MTERF3: variants seen among roughly 807,000 people sequenced by gnomAD.
MTERF3 encodes transcription termination factor 3, mitochondrial.
In MTERF3, 40 loss-of-function variants were observed where a neutral mutation model predicts 40.5. That is an observed-to-expected ratio of 0.99 (90% CI 0.77 to 1.29). The LOEUF is 1.29. Among genes scored for constraint, MTERF3 ranks in the 50% most tolerant of loss-of-function variants. MTERF3 has a pLI of 0.00. For missense variants in MTERF3, 452 were observed against 478.2 expected, an observed-to-expected ratio of 0.95 and a Z score of 0.51; for synonymous variants, 158 against 166.6, an observed-to-expected ratio of 0.95 and a Z score of 0.40.
rs75477527 is a variant in MTERF3 at position 96,257,096 on chromosome 8, G to T, written c.353C>A (p.Pro118Gln). Reference sequence around the variant, plus strand: ...TGAAATTGGCTGCATTGGAGACAATGGAGGCAATTCATCCAGTTCTTTGAA... The same window carrying T: ...TGAAATTGGCTGCATTGGAGACAATTGAGGCAATTCATCCAGTTCTTTGAA... Reference protein sequence around the residue: ...LFLEELDELPPLSPMQPISEE... With the variant: ...LFLEELDELPQLSPMQPISEE... The change falls in exon 3 of 8, where the codon CCA becomes CAA. Residue 118 changes from proline to glutamine, a missense_variant. Physicochemically the swap from Pro to Gln is moderately conservative, Grantham distance 76. Coordinates refer to ENST00000287025, the MANE Select transcript of MTERF3 (RefSeq NM_015942.5). 0.011 allele frequency: 16,972 copies of T among 1,611,974 alleles called. 102 individuals are homozygous for T. The highest frequency in any genetic ancestry group is 0.012 in the Non-Finnish European group (14,241 of 1,179,212).
intron 1 of MTERF3, among the ~76,000 whole-genome samples, chr8:96,260,453 G>A (rs1810362298): frequency 1.3e-5 from 2 of 151,596 alleles, no homozygotes; most frequent in Admixed American, 1.3e-4. Context: ...ATGATGTGGG[G>A]GGTGGGGGTG....
At chr8:96,259,296 T>A (rs1297513946) in intron 1 of MTERF3, among the ~76,000 whole-genome samples, 1 of 152,194 alleles carries the variant, frequency 6.6e-6, no homozygotes, top group Admixed American at 6.5e-5. Context: ...ACACTGTTGA[T>A]TACTTCACAG....
intron 3 of MTERF3, among the ~76,000 whole-genome samples, chr8:96,251,566 T>C (rs971728757): frequency 1.1e-4 from 16 of 152,218 alleles, no homozygotes; most frequent in African/African-American, 3.9e-4. Context: ...GGAATAAAAA[T>C]GACCCTGTGC....
chr8:96,255,929 A>G (rs1810271705), intron 3 of MTERF3, among the ~76,000 whole-genome samples: 1 of 152,208 alleles, frequency 6.6e-6, no homozygotes, highest in Non-Finnish European at 1.5e-5. Flanking sequence ...AAAAAACTCA[A>G]AAGTCTCCAA....
chr8:96,248,195 C>T lies in MTERF3; in HGVS notation c.678-1741G>A, dbSNP rs572023508. On this transcript the variant is annotated intron_variant, in intron 4 of 7. Transcript: ENST00000287025. ...TCTATTGAAGTTACAGATGAACACA[C>T]CCTTTGACCTAGCATTTCCACTTCT... Among the ~76,000 whole-genome samples, 4 of 152,300 alleles carry T rather than the reference C, an allele frequency of 2.6e-5. No homozygotes were observed. In the South Asian group the frequency reaches 8.3e-4, roughly 32 times the overall value.
chr8:96,256,307 CG>C (rs1810278232), intron 3 of MTERF3, among the ~76,000 whole-genome samples: 2 of 151,892 alleles, frequency 1.3e-5, no homozygotes, highest in African/African-American at 2.4e-5. Context: ...GGAAGGAGGT[CG>C]GGGTAGTGTG....
intron 4 of MTERF3, among the ~76,000 whole-genome samples, chr8:96,248,960 C>A (rs1400822660): frequency 6.6e-6 from 1 of 152,122 alleles, no homozygotes; most frequent in Non-Finnish European, 1.5e-5. Flanking sequence ...GCTGCATTAC[C>A]TATTAAAAAA....
At chr8:96,247,424 A>G (rs952606050) in intron 4 of MTERF3, among the ~76,000 whole-genome samples, 6 of 152,272 alleles carry the variant, frequency 3.9e-5, no homozygotes, top group Admixed American at 1.3e-4. Context: ...TAAAAAATCT[A>G]AAACATAGTA....
chr8:96,246,391 T>C lies in MTERF3; in HGVS notation c.741A>G (p.Ala247=). Residue 247 remains alanine, a synonymous_variant, in exon 5 of 8, where the codon GCA becomes GCG. Coordinates refer to ENST00000287025, the MANE Select transcript of MTERF3 (RefSeq NM_015942.5). The stretch of plus-strand genomic sequence containing the variant: ...CCACTGAAAAGTTCAGCAAAAATGG[T>C]GCTTTTCTGACCATCTGTGCAACAT... ...KADVAQMVRK[A]PFLLNFSVER... 6.2e-7 allele frequency: 1 copy of C among 1,612,966 alleles called. No individual in the cohort carries two copies. Among genetic ancestry groups the C allele is most frequent in the Non-Finnish European group, 8.5e-7 (1 of 1,179,712 alleles).
intron 4 of MTERF3, among the ~76,000 whole-genome samples, chr8:96,250,665 G>GA (rs1254421280): frequency 7.9e-5 from 3 of 37,740 alleles, no homozygotes; most frequent in Non-Finnish European, 1.6e-4. Flanking sequence ...AGAAGAAGAA[G>GA]AAGAAGAAGA....
chr8:96,258,721 C>A (rs111855567), intron 1 of MTERF3, 21 bp from the exon 2 acceptor site: 5 of 1,476,044 alleles, frequency 3.4e-6, no homozygotes, highest in South Asian at 2.7e-5. Flanking sequence ...AAGATATAAC[C>A]GTCAAAAGAA....
Position 96,250,929 on chromosome 8 carries a change from T to G in MTERF3, c.654A>C (p.Glu218Asp). The G allele has an allele frequency of 6.2e-7, 1 of 1,609,814 alleles. No individual in the cohort carries two copies. Among genetic ancestry groups the G allele is most frequent in the Non-Finnish European group, 8.5e-7 (1 of 1,179,028 alleles). The change falls in exon 4 of 8, where the codon GAA becomes GAC. Residue 218 changes from glutamate to aspartate, a missense_variant. By Grantham distance (45) the Glu-to-Asp change is conservative (BLOSUM62 2). Transcript: ENST00000287025. ...ACCTGGTCTTCAGATTTTCAAGGTC[T>G]TCAGAGAAAATTGCATGATTTTTTG... is the stretch of plus-strand genomic sequence containing the variant. ...FLTKNHAIFSEDLENLKTRVA... is the reference protein window; with the variant it reads ...FLTKNHAIFSDDLENLKTRVA...
intron 3 of MTERF3, among the ~76,000 whole-genome samples, chr8:96,254,029 C>G (rs1487464982): frequency 6.6e-6 from 1 of 151,932 alleles, no homozygotes; most frequent in Admixed American, 6.6e-5. Flanking sequence ...AAGACAGGGA[C>G]TGTGTCTTAG....
At chr8:96,246,495 C>G in intron 4 of MTERF3, 41 bp from the exon 5 acceptor site, 1 of 1,509,804 alleles carries the variant, frequency 6.6e-7, no homozygotes, top group East Asian at 2.4e-5. Flanking sequence ...TAAACACTTA[C>G]ATTCTTTTTT....
At position 96,250,679 on chromosome 8, in the gene MTERF3, A is replaced by AG. The variant is rs1563549072; in HGVS notation, c.677+226dup. On this transcript the variant is annotated intron_variant, in intron 4 of 7. Coordinates refer to ENST00000287025, the MANE Select transcript of MTERF3 (RefSeq NM_015942.5). The stretch of plus-strand genomic sequence containing the variant: ...AAGAAGAAGAAGAAGAAGAAGAAGA[A>AG]GAAGGAGGAGGAGGAGGGGGGGAGG... Among the ~76,000 whole-genome samples the AG allele has an allele frequency of 9.6e-4, 33 of 34,412 alleles. 2 individuals carry two copies. The highest frequency in any genetic ancestry group is 5.7e-3 in the East Asian group (11 of 1,942). 22.6% of individuals were successfully genotyped at this position (34,412 alleles called of 152,430 possible). A position where few individuals can be genotyped will look rare whatever the true frequency, so the allele number is the denominator to read the frequency against.
chr8:96,253,971 G>A (rs1810236162), intron 3 of MTERF3, among the ~76,000 whole-genome samples: 1 of 152,080 alleles, frequency 6.6e-6, no homozygotes, highest in Non-Finnish European at 1.5e-5. Flanking sequence ...CTGTGTCACT[G>A]CACTCCAGCC....
rs111807224 is a variant in MTERF3, at chr8:96,252,721, C to G, written c.488-1626G>C. Among the ~76,000 whole-genome samples, 558 of 152,198 alleles carry G rather than the reference C, an allele frequency of 3.7e-3. 6 individuals are homozygous for G. Among genetic ancestry groups the G allele is most frequent in the African/African-American group, 0.013 (533 of 41,530 alleles). ...CAAAAATCTGTGATAAATGGGGGAG[C>G]GGATGCTCTAAAAATAACATAAAGG... On this transcript the variant is annotated intron_variant, in intron 3 of 7. Transcript: ENST00000287025.
intron 6 of MTERF3, among the ~76,000 whole-genome samples, chr8:96,245,138 C>T (rs138251757): frequency 1.9e-3 from 295 of 152,084 alleles, no homozygotes; most frequent in African/African-American, 6.8e-3. Context: ...GGATTTGATC[C>T]CCCACTAGAT....
chr8:96,241,133 CG>C (rs1314034993), intron 7 of MTERF3, among the ~76,000 whole-genome samples: 1 of 151,982 alleles, frequency 6.6e-6, no homozygotes, highest in African/African-American at 2.4e-5. Flanking sequence ...ATCACCCGGC[CG>C]GGCGCGGTGG....
Sources: gnomAD v4.1 joint callset for allele counts (sites outside exome capture counted in the v4.1 genomes callset) on GRCh38, gnomAD v4.1.1 for gene constraint, MANE v1.5 for transcripts, NCBI Gene and HGNC (gene_info 2026-07-23, HGNC 2026-07-21) for gene names.